RTEL1: variants seen among roughly 807,000 people sequenced by gnomAD.
RTEL1 encodes regulator of telomere elongation helicase 1, also known as regulator of telomere length.
In RTEL1, 86 loss-of-function variants were observed where a neutral mutation model predicts 162.2. That is an observed-to-expected ratio of 0.53 (90% CI 0.45 to 0.63). The LOEUF is 0.63. Ranked by LOEUF, RTEL1 falls within the 30% of genes least tolerant of loss-of-function variation. The probability of loss-of-function intolerance (pLI) is 0.00; values close to 1 mark genes in which losing one functional copy is unlikely to be tolerated. For missense variants in RTEL1, 1,941 were observed against 1,750.2 expected (o/e 1.11, Z -1.95); for synonymous variants, 958 against 717.9 (o/e 1.33, Z -5.35).
Position 63,692,555 on chromosome 20 carries a change from C to T in RTEL1, c.2653-250C>T, listed in dbSNP as rs146442002. The T allele has an allele frequency of 1.2e-3, 695 of 568,360 alleles. 3 individuals carry two copies. The highest frequency in any genetic ancestry group is 0.011 in the African/African-American group (603 of 53,378). 35.2% of individuals were successfully genotyped at this position (568,360 alleles called of 1,614,324 possible). On this transcript the variant is annotated intron_variant, in intron 28 of 34. Coordinates refer to ENST00000360203, the MANE Select transcript of RTEL1 (RefSeq NM_001283009.2). ...CCTGGCTTGAGGCAGAGCCAATCTA[C>T]CCTTTGCCCATTCACTGCTCTCAGT...
intron 28 of RTEL1, chr20:63,692,111 A>C (rs1231553331): frequency 7.1e-6 from 3 of 420,174 alleles, no homozygotes; most frequent in Non-Finnish European, 8.8e-6. Context: ...ATTTCCCTCA[A>C]GTGTGGATGC....
rs772655084 is a variant in RTEL1 at position 63,695,233 on chromosome 20, G to T, written c.3499+12G>T. On this transcript the variant is annotated intron_variant, in intron 33 of 34. Coordinates refer to ENST00000360203, the MANE Select transcript of RTEL1 (RefSeq NM_001283009.2). ...GGCTCCCCAACCAGGTAGGGCACCT[G>T]CCTGGCTGCTCCTGGCAGCGCCCCA... The T allele has an allele frequency of 5.0e-6, 8 of 1,610,074 alleles. No individual in the cohort carries two copies. The South Asian group carries it at 5.5e-5, about 11-fold the overall frequency.
chr20:63,678,417 C>T, intron 12 of RTEL1, 71 bp downstream of exon 12: 1 of 1,426,122 alleles, frequency 7.0e-7, no homozygotes, highest in Non-Finnish European at 9.6e-7. Flanking sequence ...TGGTGCAGTC[C>T]TGGGCTGTCA....
chr20:63,683,758 TG>T (rs1299715359), intron 14 of RTEL1, among the ~76,000 whole-genome samples: 5 of 152,212 alleles, frequency 3.3e-5, no homozygotes, highest in African/African-American at 9.7e-5. Context: ...TGGCCGTTTT[TG>T]GCTCGTTTTC....
At position 63,690,137 on chromosome 20, in the gene RTEL1, A is replaced by C. The variant is rs1258526196; in HGVS notation, c.2192A>C (p.His731Pro). Residue 731 changes from histidine to proline, a missense_variant, in exon 25 of 35, where the codon CAC (histidine) becomes CCC (proline). By Grantham distance (77) the His-to-Pro change is moderately conservative. Coordinates refer to ENST00000360203, the MANE Select transcript of RTEL1 (RefSeq NM_001283009.2). ...CAACTGCCCTCCTGGGTGCGTCCCC[A>C]CGTCAGGGTGTATGACAACTTTGGC... The part of the protein sequence containing the change: ...RAQLPSWVRP[H>P]VRVYDNFGHV... 2 of 1,612,444 alleles carry C rather than the reference A, an allele frequency of 1.2e-6. No individual in the cohort carries two copies. The highest frequency in any genetic ancestry group is 1.7e-6 in the Non-Finnish European group (2 of 1,179,822).
intron 12 of RTEL1, among the ~76,000 whole-genome samples, chr20:63,679,525 C>T (rs1013763203): frequency 1.3e-5 from 2 of 152,126 alleles, no homozygotes; most frequent in Admixed American, 1.3e-4. Flanking sequence ...GGCTTCTTTT[C>T]CTCGGTGCTG....
chr20:63,672,001 A>T (rs1388940341), intron 8 of RTEL1, among the ~76,000 whole-genome samples: 1 of 151,882 alleles, frequency 6.6e-6, no homozygotes, highest in African/African-American at 2.4e-5. Flanking sequence ...CTCCTGCCTC[A>T]GCCTTCTGAG....
In RTEL1 at chr20:63,691,786, G is replaced by A. The variant is rs201545339; in HGVS notation, c.2601G>A (p.Pro867=). 3.6e-5 allele frequency: 58 copies of A among 1,612,452 alleles called. 1 individual carries two copies. The highest frequency in any genetic ancestry group is 3.3e-4 in the South Asian group (30 of 91,076). ...STLSLLSEKR[P]AEEPRGGRKK... ...TGTCCCTCCTGTCTGAGAAGAGGCC[G>A]GCAGAAGAACCGCGAGGAGGGAGGA... Residue 867 remains proline (P), a synonymous_variant, in exon 28 of 35, where the codon CCG becomes CCA. Coordinates refer to ENST00000360203, the MANE Select transcript of RTEL1 (RefSeq NM_001283009.2).
chr20:63,665,907 C>T (rs1435482922), intron 6 of RTEL1, 97 bp from the exon 7 acceptor site: 14 of 1,144,776 alleles, frequency 1.2e-5, no homozygotes, highest in East Asian at 2.5e-5. Context: ...CCAGCCCTGC[C>T]CGCCGTGTAG....
chr20:63,692,723 A>G, intron 28 of RTEL1, 82 bp from the exon 29 acceptor site: 2 of 1,377,236 alleles, frequency 1.5e-6, no homozygotes, highest in Non-Finnish European at 1.0e-6. Context: ...GGGAACGCTC[A>G]ATGTTCCAAG....
Position 63,695,476 on chromosome 20 carries a change from G to T in RTEL1, c.3648G>T (p.Glu1216Asp). The change falls in exon 34 of 35, where the codon GAG (glutamate) becomes GAT (aspartate). Residue 1216 changes from glutamate to aspartate, a missense_variant. By Grantham distance (45) the Glu-to-Asp change is conservative. Transcript: ENST00000360203. ...CTCCCCACGGGCCTGCAGCATCTGA[G>T]TGGGGTGAGCCTCATGGGAGAGACA... ...SGPPHGPAAS[E>D]WGEPHGRDIA... is the part of the protein sequence containing the mutation. The T allele has an allele frequency of 6.2e-7, 1 of 1,605,634 alleles. No individual in the cohort carries two copies. The highest frequency in any genetic ancestry group is 1.7e-4 in the Middle Eastern group (1 of 6,006).
At chr20:63,694,304 G>GCCC in intron 30 of RTEL1, 68 bp from the exon 31 acceptor site, 22 of 812,986 alleles carry the variant, frequency 2.7e-5, no homozygotes, top group East Asian at 8.6e-5. Context: ...AGCCAGCCCT[G>GCCC]CCCCCCCACC....
intron 30 of RTEL1, among the ~76,000 whole-genome samples, chr20:63,693,675 A>ACCT (rs2090875844): frequency 5.1e-5 from 1 of 19,580 alleles, no homozygotes; most frequent in African/African-American, 2.0e-4. Context: ...CACCACCACC[A>ACCT]CCACCACCAC....
At chr20:63,690,259 C>T (rs751746412) in intron 25 of RTEL1, 35 bp from the exon 26 acceptor site, 3 of 1,602,602 alleles carry the variant, frequency 1.9e-6, no homozygotes, top group Non-Finnish European at 2.6e-6. Context: ...CCAGAGGAGC[C>T]AGAAATGGGT....
chr20:63,693,915 G>A lies in RTEL1; in HGVS notation c.2993-457G>A, dbSNP rs959453479. On this transcript the variant is annotated intron_variant, in intron 30 of 34. Transcript: ENST00000360203. ...TGGTCCTGGGGGGTCAACTGCACAC[G>A]CCAGGGTCCTAGGGTCCTAGACCCC... Among the ~76,000 whole-genome samples the A allele has an allele frequency of 6.0e-5, 9 of 150,484 alleles. 1 individual carries two copies. Among genetic ancestry groups the A allele is most frequent in the Non-Finnish European group, 8.9e-5 (6 of 67,682 alleles).
chr20:63,685,094 C>G (rs3787090), intron 14 of RTEL1, among the ~76,000 whole-genome samples: 1 of 147,680 alleles, frequency 6.8e-6, no homozygotes, highest in Non-Finnish European at 1.5e-5. Context: ...CACCATGTTG[C>G]CCAGGCTGGT....
intron 31 of RTEL1, 81 bp from the exon 32 acceptor site, chr20:63,694,660 C>T: frequency 2.9e-6 from 4 of 1,357,510 alleles, no homozygotes; most frequent in African/African-American, 1.5e-5. Context: ...CCAGGAGTTC[C>T]TGGAGGAAGG....
In RTEL1 at chr20:63,695,951, A is replaced by G; in HGVS notation, c.*93A>G. The G allele has an allele frequency of 7.9e-7, 1 of 1,273,168 alleles. No homozygotes were observed. The highest frequency in any genetic ancestry group is 1.1e-6 in the Non-Finnish European group (1 of 923,774). The allele number at this position is 1,273,168 out of a possible 1,614,324, so 78.9% of individuals were successfully genotyped here. ...AAGAACCCACCCAACAGAATAGGCCAGCCCATGCCAGCCGGCTTGGCCCGC... is the reference window on the plus strand; with the variant it reads ...AAGAACCCACCCAACAGAATAGGCCGGCCCATGCCAGCCGGCTTGGCCCGC... On this transcript the variant is annotated 3_prime_UTR_variant, in exon 35 of 35. Coordinates refer to ENST00000360203, the MANE Select transcript of RTEL1 (RefSeq NM_001283009.2).
In RTEL1 at chr20:63,689,872, G is replaced by C; in HGVS notation, c.2141+7G>C. The C allele has an allele frequency of 6.2e-7, 1 of 1,603,784 alleles. No homozygotes were observed. The highest frequency in any genetic ancestry group is 1.1e-5 in the South Asian group (1 of 90,952). ...TCTTCCTCTGTGACCACAGGTGCGT[G>C]CAGTCCGGTGGCAGGCGCGGCGCCA... On this transcript the variant is annotated splice_region_variant and intron_variant, in intron 24 of 34. Transcript: ENST00000360203.
Sources: gnomAD v4.1 joint callset for allele counts (sites outside exome capture counted in the v4.1 genomes callset) on GRCh38, gnomAD v4.1.1 for gene constraint, MANE v1.5 for transcripts, NCBI Gene and HGNC (gene_info 2026-07-23, HGNC 2026-07-21) for gene names.